The following DCAF1 variants were observed in gnomAD, a reference collection of about 807,000 sequenced individuals.
DCAF1 encodes the protein DDB1 and CUL4 associated factor 1.
Under a neutral mutation model 128.0 loss-of-function variants are expected in DCAF1, and 15 were observed. The observed-to-expected ratio is 0.12, with a 90% CI of 0.08 to 0.18. The LOEUF is 0.18. Ranked by LOEUF, DCAF1 falls within the 10% of genes least tolerant of loss-of-function variation. The probability of loss-of-function intolerance (pLI) is 1.00; values close to 1 mark genes in which losing one functional copy is unlikely to be tolerated. For missense variants in DCAF1, 988 were observed against 1,649.5 expected, an observed-to-expected ratio of 0.60 and a Z score of 6.95; for synonymous variants, 610 against 603.0, an observed-to-expected ratio of 1.01 and a Z score of -0.17.
At chr3:51,497,352 G>A (rs71329055) in intron 1 of DCAF1, among the ~76,000 whole-genome samples, 47 of 150,514 alleles carry the variant, frequency 3.1e-4, no homozygotes, top group South Asian at 1.1e-3. Context: ...CACTTTGGGA[G>A]GCCTAGGCGG....
At position 51,403,135 on chromosome 3, in the gene DCAF1, A is replaced by G. The variant is rs1553625457; in HGVS notation, c.4465+8T>C. 5 of 1,607,104 alleles carry G rather than the reference A, an allele frequency of 3.1e-6. No individual in the cohort carries two copies. The highest frequency in any genetic ancestry group is 4.3e-6 in the Non-Finnish European group (5 of 1,175,888). On this transcript the variant is annotated splice_region_variant and intron_variant, in intron 24 of 24. Transcript: ENST00000684031. ...CAAGGCTCAGCCTGAACTCTGCCCT[A>G]TACTTACTGTCCCCCAGGATCAGTT...
chr3:51,414,894 C>A (rs1553629802), intron 18 of DCAF1, 37 bp from the exon 19 acceptor site: 14 of 1,590,768 alleles, frequency 8.8e-6, no homozygotes, highest in Non-Finnish European at 1.2e-5. Context: ...AAAAATCAGA[C>A]CAATCCATCC....
intron 6 of DCAF1, among the ~76,000 whole-genome samples, chr3:51,461,976 TG>T (rs574741268): frequency 1.1e-3 from 165 of 151,962 alleles, no homozygotes; most frequent in African/African-American, 3.9e-3. Flanking sequence ...GTCGAGTTAA[TG>T]GGTGCAGCAC....
chr3:51,497,531 G>A (rs1708360922), intron 1 of DCAF1, among the ~76,000 whole-genome samples: 1 of 151,958 alleles, frequency 6.6e-6, no homozygotes, highest in Non-Finnish European at 1.5e-5. Context: ...AGGTTGCAGT[G>A]AGCCGAGATT....
chr3:51,424,827 T>A (rs1245867182), intron 13 of DCAF1, among the ~76,000 whole-genome samples: 1 of 152,160 alleles, frequency 6.6e-6, no homozygotes, highest in Non-Finnish European at 1.5e-5. Context: ...ATATATATAG[T>A]ATAAAAACAT....
At position 51,479,211 on chromosome 3, in the gene DCAF1, T is replaced by G. The variant is rs1184302313; in HGVS notation, c.110+4508A>C. Reference sequence around the variant, plus strand: ...TTGAGGAGACACCAATAAAAAGACATAGTCGTAGGCCAGGCATGGTGGCTC... The same window carrying G: ...TTGAGGAGACACCAATAAAAAGACAGAGTCGTAGGCCAGGCATGGTGGCTC... On this transcript the variant is annotated intron_variant, in intron 3 of 24. Transcript: ENST00000684031. Among the ~76,000 whole-genome samples, 5 of 152,264 alleles carry G rather than the reference T, an allele frequency of 3.3e-5. No homozygotes were observed. In the East Asian group the frequency reaches 9.7e-4, roughly 29 times the overall value.
At chr3:51,396,021 T>C (rs2089178243), downstream of DCAF1, 1 of 412,546 alleles carries the variant, frequency 2.4e-6, no homozygotes, top group Non-Finnish European at 4.4e-6. Context: ...GTGGGTCTTG[T>C]CCTGTTGCAG....
chr3:51,413,060 A>G lies in DCAF1; in HGVS notation c.4043T>C (p.Ile1348Thr). 2 of 1,613,936 alleles carry G rather than the reference A, an allele frequency of 1.2e-6. No homozygotes were observed. Among genetic ancestry groups the G allele is most frequent in the Non-Finnish European group, 1.7e-6 (2 of 1,179,858 alleles). ...NATDYKPIAT[I>T]DVKRNIFDLC... ...GTCAAAGATGTTCCGTTTCACATCA[A>G]TGGTTGCTGGAAAATAGAATGTGAG... is the stretch of plus-strand genomic sequence containing the variant. The change falls in exon 22 of 25, where the codon ATT becomes ACT. Residue 1348 changes from isoleucine (I) to threonine (T), a missense_variant. By Grantham distance (89) the Ile-to-Thr change is moderately conservative. Coordinates refer to ENST00000684031, the MANE Select transcript of DCAF1 (RefSeq NM_001387579.1).
rs782095015 is a variant in DCAF1, at chr3:51,419,752, C to T, written c.3218G>A (p.Arg1073Lys). The T allele has an allele frequency of 6.2e-7, 1 of 1,612,176 alleles. No individual in the cohort carries two copies. Among genetic ancestry groups the T allele is most frequent in the Non-Finnish European group, 8.5e-7 (1 of 1,178,704 alleles). Residue 1073 changes from arginine (R) to lysine (K), a missense_variant, in exon 15 of 25, where the codon AGG (arginine) becomes AAG (lysine). By Grantham distance (26) the Arg-to-Lys change is conservative. Transcript: ENST00000684031. ...YGGVDGGCFD[R>K]HLIFSRFRPI... is the part of the protein sequence containing the mutation. ...TTCTTACCTGCTAAAGATAAGGTGC[C>T]TATCAAAGCATCCGCCATCCACCCC...
chr3:51,438,007 A>G (rs1275930109), intron 9 of DCAF1: 22 of 337,912 alleles, frequency 6.5e-5, no homozygotes, highest in African/African-American at 4.7e-4. Flanking sequence ...GTTCCATTCA[A>G]ATCTTGGCTA....
At chr3:51,500,310 C>G (rs138014183), upstream of DCAF1, among the ~76,000 whole-genome samples, 25 of 151,994 alleles carry the variant, frequency 1.6e-4, no homozygotes, top group African/African-American at 6.0e-4. Flanking sequence ...TTGGCTGCTT[C>G]GGAAGGCGGA....
At position 51,466,799 on chromosome 3, in the gene DCAF1, C is replaced by T; in HGVS notation, c.261+4G>A. ...CGCTGGAGAAAAGTAAGAAGCAAAC[C>T]TACTGCATTCATGAAATCATCATTC... is the stretch of plus-strand genomic sequence containing the variant. On this transcript the variant is annotated splice_donor_region_variant and intron_variant, in intron 5 of 24. Transcript: ENST00000684031. 1 of 1,613,094 alleles carries T rather than the reference C, an allele frequency of 6.2e-7. No individual in the cohort carries two copies. Among genetic ancestry groups the T allele is most frequent in the Non-Finnish European group, 8.5e-7 (1 of 1,179,330 alleles).
intron 1 of DCAF1, among the ~76,000 whole-genome samples, chr3:51,497,209 C>T (rs1708321109): frequency 6.6e-6 from 1 of 152,102 alleles, no homozygotes; most frequent in African/African-American, 2.4e-5. Context: ...GCATGAGAAT[C>T]GCTTGAACCT....
rs1416712032 is a variant in DCAF1 at position 51,432,181 on chromosome 3, G to T, written c.1287+925C>A. On this transcript the variant is annotated intron_variant, in intron 10 of 24. Coordinates refer to ENST00000684031, the MANE Select transcript of DCAF1 (RefSeq NM_001387579.1). ...AGCTACTTGGGAGGCTGAGGCAGAA[G>T]AATTGCTTGAACCTGGGAGTTGGAG... Among the ~76,000 whole-genome samples the T allele has an allele frequency of 2.7e-4, 39 of 144,204 alleles. 1 individual carries two copies. In the East Asian group the frequency reaches 6.4e-3, roughly 24 times the overall value. The allele number at this position is 144,204 out of a possible 152,430, so 94.6% of individuals were successfully genotyped here.
rs1438944697 is a variant in DCAF1, at chr3:51,441,636, G to A, written c.775C>T (p.Pro259Ser). Reference protein sequence around the residue: ...TSSRVNSTTKPEDGGLKKNKS... With the variant: ...TSSRVNSTTKSEDGGLKKNKS... The stretch of plus-strand genomic sequence containing the variant: ...TTTTTCTTTAATCCTCCATCCTCAG[G>A]TTTGGTTGTTGAGTTCACTCTGCTA... Residue 259 changes from proline to serine, a missense_variant, in exon 8 of 25, where the codon CCT becomes TCT. By Grantham distance (74) the Pro-to-Ser change is moderately conservative (BLOSUM62 -1). Around this residue, in one of 11 missense-constraint regions of DCAF1, gnomAD observed 210 missense variants for 260.2 expected, o/e 0.81. Transcript: ENST00000684031. 3.1e-6 allele frequency: 5 copies of A among 1,613,766 alleles called. No homozygotes were observed. The highest frequency in any genetic ancestry group is 2.2e-5 in the South Asian group (2 of 91,090).
chr3:51,478,410 G>A (rs1299661028), intron 3 of DCAF1, among the ~76,000 whole-genome samples: 3 of 152,086 alleles, frequency 2.0e-5, no homozygotes, highest in Admixed American at 6.6e-5. Context: ...AAAAGTTGAG[G>A]ATAAAATATG....
At chr3:51,417,018 T>TA in intron 17 of DCAF1, 147 bp from the exon 18 acceptor site, 3 of 1,297,354 alleles carry the variant, frequency 2.3e-6, no homozygotes, top group Non-Finnish European at 3.1e-6. Context: ...ATCATACACT[T>TA]AGATTACAAA....
intron 22 of DCAF1, among the ~76,000 whole-genome samples, 157 bp from the exon 23 acceptor site, chr3:51,412,637 G>A (rs1553628834): frequency 1.3e-5 from 2 of 152,122 alleles, no homozygotes; most frequent in African/African-American, 4.8e-5. Context: ...TTATACCTAG[G>A]ACACATAAAG....
intron 24 of DCAF1, among the ~76,000 whole-genome samples, chr3:51,401,214 G>T (rs1444666935): frequency 6.6e-6 from 1 of 151,514 alleles, no homozygotes; most frequent in Non-Finnish European, 1.5e-5. Context: ...CAATCAGGGA[G>T]TCCCTGCAGA....
Sources: allele counts gnomAD v4.1 joint callset (sites outside exome capture counted in the v4.1 genomes callset), GRCh38; gene constraint gnomAD v4.1.1; regional missense constraint gnomAD v4.1.1; transcripts MANE v1.5; gene names NCBI Gene and HGNC (gene_info 2026-07-23, HGNC 2026-07-21).